Variants in PIK3C2G observed in about 807,000 individuals in gnomAD.
PIK3C2G encodes phosphatidylinositol-4-phosphate 3-kinase catalytic subunit type 2 gamma.
PIK3C2G carries 168 observed loss-of-function variants against 181.1 expected under a neutral mutation model. The ratio of observed to expected loss-of-function variants is 0.93; its 90% CI spans 0.82 to 1.05. PIK3C2G has a LOEUF of 1.05. PIK3C2G is among the 50% of genes least tolerant of loss of function. PIK3C2G has a pLI of 0.00. For synonymous variants in PIK3C2G, 573 were observed against 592.2 expected (o/e 0.97, Z 0.47); for missense variants, 1,869 against 1,732.8 (o/e 1.08, Z -1.40).
At chr12:18,650,704 G>GTGTATATCTATATATATA (rs1950446696), downstream of PIK3C2G, among the ~76,000 whole-genome samples, 1 of 57,764 alleles carries the variant, frequency 1.7e-5, no homozygotes, top group Non-Finnish European at 4.0e-5. Context: ...GTGTGTGTGT[G>GTGTATATCTATATATATA]TATATATCTA....
At chr12:18,621,774 A>C (rs556539008) in intron 31 of PIK3C2G, among the ~76,000 whole-genome samples, 26 of 151,930 alleles carry the variant, frequency 1.7e-4, no homozygotes, top group Non-Finnish European at 3.2e-4. Context: ...TATTTATCAT[A>C]AGATTCTTGT....
chr12:18,294,521 T>A (rs1490266952), intron 5 of PIK3C2G, among the ~76,000 whole-genome samples: 2 of 151,970 alleles, frequency 1.3e-5, no homozygotes, highest in African/African-American at 4.8e-5. Flanking sequence ...GAAGAGTAAG[T>A]TCTAAACCAC....
intron 31 of PIK3C2G, among the ~76,000 whole-genome samples, chr12:18,630,059 G>A (rs1411940268): frequency 6.6e-5 from 10 of 151,978 alleles, no homozygotes; most frequent in Non-Finnish European, 1.5e-4. Flanking sequence ...TTAAGGAAAG[G>A]ATTTGCTATA....
At chr12:18,664,520 A>G in the PIK3C2G span, among the ~76,000 whole-genome samples, 2 of 152,194 alleles carry the variant, frequency 1.3e-5, no homozygotes, top group African/African-American at 4.8e-5. Context: ...GAAAAATCAC[A>G]AAAAGATAAA....
the PIK3C2G span, among the ~76,000 whole-genome samples, chr12:18,679,294 A>G: frequency 2.0e-5 from 3 of 152,182 alleles, no homozygotes; most frequent in East Asian, 5.8e-4. Context: ...TCTTTTTAAA[A>G]AAATTTTGAT....
intron 26 of PIK3C2G, among the ~76,000 whole-genome samples, chr12:18,559,031 G>T (rs892707316): frequency 6.6e-6 from 1 of 152,114 alleles, no homozygotes; most frequent in Admixed American, 6.6e-5. Flanking sequence ...CTGTATGTTT[G>T]CATGTCTCTG....
chr12:18,400,465 T>C (rs1264723233), intron 16 of PIK3C2G, among the ~76,000 whole-genome samples: 1 of 152,116 alleles, frequency 6.6e-6, no homozygotes, highest in African/African-American at 2.4e-5. Context: ...AGAAAAGATA[T>C]TTTAAGTTTG....
intron 1 of PIK3C2G, among the ~76,000 whole-genome samples, chr12:18,280,048 T>A (rs1460459492): frequency 6.6e-6 from 1 of 152,086 alleles, no homozygotes; most frequent in African/African-American, 2.4e-5. Context: ...ACCAGAATTA[T>A]CCTTTAAAAA....
intron 8 of PIK3C2G, among the ~76,000 whole-genome samples, chr12:18,327,101 T>C (rs1182264249): frequency 6.6e-6 from 1 of 152,110 alleles, no homozygotes; most frequent in Non-Finnish European, 1.5e-5. Context: ...TGTCTTTCCA[T>C]TATCACTGGC....
rs1361135298 is a variant in PIK3C2G, at chr12:18,569,743, T to C, written c.4011+2686T>C. Among the ~76,000 whole-genome samples, 3 of 152,202 alleles carry C rather than the reference T, an allele frequency of 2.0e-5. No homozygotes were observed. The East Asian group carries it at 5.8e-4, about 29-fold the overall frequency. On this transcript the variant is annotated intron_variant, in intron 29 of 32. Transcript: ENST00000538779. ...ATTTTCCAATTTTCTATACTTGGTC[T>C]TTTTAATCTTTTAAATTTGGGCCAT...
At chr12:18,544,654 T>C (rs1944328548) in intron 25 of PIK3C2G, among the ~76,000 whole-genome samples, 1 of 151,544 alleles carries the variant, frequency 6.6e-6, no homozygotes, top group South Asian at 2.1e-4. Flanking sequence ...GCAGTGTAAA[T>C]GAAACAGAAA....
rs557620632 is a variant in PIK3C2G, at chr12:18,537,571, T to C, written c.3324-585T>C. 2.0e-5 allele frequency among the ~76,000 whole-genome samples: 3 copies of C among 152,212 alleles called. No homozygotes were observed. In the South Asian group the frequency reaches 6.2e-4, roughly 32 times the overall value. ...ACAGTGGTCAGTATTACTTACATAA[T>C]GATATGGTCTACTCATATCTTCCTT... On this transcript the variant is annotated intron_variant, in intron 24 of 32. Coordinates refer to ENST00000538779, the MANE Select transcript of PIK3C2G (RefSeq NM_001288772.2).
At chr12:18,626,129 G>A (rs2136694308) in intron 31 of PIK3C2G, among the ~76,000 whole-genome samples, 1 of 151,572 alleles carries the variant, frequency 6.6e-6, no homozygotes, top group East Asian at 1.9e-4. Flanking sequence ...GTCTTTCTTT[G>A]TGGATTGATG....
At chr12:18,533,464 T>C (rs1401906756) in intron 24 of PIK3C2G, among the ~76,000 whole-genome samples, 2 of 152,128 alleles carry the variant, frequency 1.3e-5, no homozygotes, top group Admixed American at 6.6e-5. Flanking sequence ...TTCTCTGTTA[T>C]CTGTATGCCA....
chr12:18,723,294 T>C, the PIK3C2G span: 1 of 1,591,620 alleles, frequency 6.3e-7, no homozygotes, highest in Non-Finnish European at 8.6e-7. Context: ...CGATAAAAGT[T>C]TGAAATGCAA....
chr12:18,401,059 T>C (rs1484184497), intron 16 of PIK3C2G, among the ~76,000 whole-genome samples: 3 of 152,032 alleles, frequency 2.0e-5, no homozygotes, highest in Non-Finnish European at 4.4e-5. Context: ...ACAGGTAAAA[T>C]GTGTATATTT....
the PIK3C2G span, among the ~76,000 whole-genome samples, chr12:18,721,842 G>T: frequency 6.6e-6 from 1 of 151,408 alleles, no homozygotes; most frequent in Non-Finnish European, 1.5e-5. Flanking sequence ...AGACCAAATT[G>T]TCACTAAGAC....
intron 6 of PIK3C2G, among the ~76,000 whole-genome samples, chr12:18,315,344 C>A (rs892053730): frequency 6.6e-6 from 1 of 151,958 alleles, no homozygotes; most frequent in Non-Finnish European, 1.5e-5. Context: ...TTATAAAGTG[C>A]AACTGACCCT....
At chr12:18,246,527 C>G (rs991795254), upstream of PIK3C2G, among the ~76,000 whole-genome samples, 11 of 151,700 alleles carry the variant, frequency 7.3e-5, no homozygotes, top group African/African-American at 2.7e-4. Context: ...GGGTTAGATT[C>G]CCGGATTTAT....
Sources: gnomAD v4.1 joint callset for allele counts (sites outside exome capture counted in the v4.1 genomes callset) on GRCh38, gnomAD v4.1.1 for gene constraint, MANE v1.5 for transcripts, NCBI Gene and HGNC (gene_info 2026-07-23, HGNC 2026-07-21) for gene names.